PDE11A: variants seen among roughly 807,000 people sequenced by gnomAD.
PDE11A encodes the protein dual 3',5'-cyclic-AMP and -GMP phosphodiesterase 11A.
Under a neutral mutation model 100.5 loss-of-function variants are expected in PDE11A, and 100 were observed. That is an observed-to-expected ratio of 1.00 (90% CI 0.85 to 1.18). The LOEUF (loss-of-function observed/expected upper bound fraction) is 1.18, where lower values mean the gene tolerates loss of function less well. Among genes scored for constraint, PDE11A ranks in the 50% most tolerant of loss-of-function variants. The probability of loss-of-function intolerance (pLI) is 0.00; values close to 1 mark genes in which losing one functional copy is unlikely to be tolerated. For missense variants in PDE11A, 1,141 were observed against 1,152.6 expected, an observed-to-expected ratio of 0.99 and a Z score of 0.15; for synonymous variants, 381 against 420.8, an observed-to-expected ratio of 0.91 and a Z score of 1.16.
chr2:177,773,541 G>C (rs915690535), intron 9 of PDE11A, among the ~76,000 whole-genome samples: 1 of 152,050 alleles, frequency 6.6e-6, no homozygotes, highest in Non-Finnish European at 1.5e-5. Context: ...TTTTTGGATT[G>C]TATCCTGAGA....
At chr2:177,794,513 A>C (rs1187055506) in intron 9 of PDE11A, among the ~76,000 whole-genome samples, 1 of 152,154 alleles carries the variant, frequency 6.6e-6, no homozygotes, top group Non-Finnish European at 1.5e-5. Context: ...AGGCTCATCG[A>C]ATTGGGCCCA....
intron 2 of PDE11A, among the ~76,000 whole-genome samples, chr2:178,094,109 T>C (rs527576068): frequency 1.3e-5 from 2 of 152,290 alleles, no homozygotes; most frequent in South Asian, 4.1e-4. Context: ...CATCAGAAGA[T>C]GGGTAATAAT....
At chr2:177,696,006 A>G (rs2081106697) in intron 15 of PDE11A, among the ~76,000 whole-genome samples, 1 of 152,192 alleles carries the variant, frequency 6.6e-6, no homozygotes, top group Non-Finnish European at 1.5e-5. Flanking sequence ...ATCAGGGCAC[A>G]GGGGGCATTA....
At chr2:177,949,655 A>G (rs1559020542) in intron 2 of PDE11A, among the ~76,000 whole-genome samples, 1 of 152,226 alleles carries the variant, frequency 6.6e-6, no homozygotes, top group African/African-American at 2.4e-5. Context: ...TGCTTGCCAT[A>G]TAGTACTTAA....
chr2:177,649,520 G>A (rs933341993), intron 19 of PDE11A, among the ~76,000 whole-genome samples: 1 of 152,098 alleles, frequency 6.6e-6, no homozygotes, highest in Non-Finnish European at 1.5e-5. Flanking sequence ...GCAAGATATG[G>A]AGCAGGATAT....
rs545569426 is a variant in PDE11A at position 177,858,572 on chromosome 2, C to T, written c.1367+17287G>A. Among the ~76,000 whole-genome samples, 11 of 152,068 alleles carry T rather than the reference C, an allele frequency of 7.2e-5. No individual in the cohort carries two copies. The East Asian group carries it at 9.7e-4, about 13-fold the overall frequency. On this transcript the variant is annotated intron_variant, in intron 5 of 19. Coordinates refer to ENST00000286063, the MANE Select transcript of PDE11A (RefSeq NM_016953.4). Reference sequence around the variant, plus strand: ...TACCATCTCACACCAGTTAGAATGGCAATCATTAAAAAGTCAGGAAACAAC... The same window carrying T: ...TACCATCTCACACCAGTTAGAATGGTAATCATTAAAAAGTCAGGAAACAAC...
At chr2:177,876,956 G>T (rs953713508) in intron 4 of PDE11A, among the ~76,000 whole-genome samples, 1 of 148,006 alleles carries the variant, frequency 6.8e-6, no homozygotes, top group Admixed American at 6.7e-5. Context: ...TAAAGTATGA[G>T]ACTCAAAGGA....
intron 1 of PDE11A, among the ~76,000 whole-genome samples, chr2:178,062,573 CCA>C (rs1299165217): frequency 6.6e-6 from 1 of 152,088 alleles, no homozygotes; most frequent in African/African-American, 2.4e-5. Context: ...ATAATCTTTC[CCA>C]CAGTGTCCCA....
intron 10 of PDE11A, among the ~76,000 whole-genome samples, chr2:177,756,710 GC>G (rs1323614144): frequency 6.6e-6 from 1 of 152,210 alleles, no homozygotes; most frequent in Non-Finnish European, 1.5e-5. Flanking sequence ...TTTGAAATTT[GC>G]CCTTTGGAGA....
intron 19 of PDE11A, among the ~76,000 whole-genome samples, chr2:177,663,111 T>G (rs1306105819): frequency 6.6e-6 from 1 of 152,186 alleles, no homozygotes; most frequent in African/African-American, 2.4e-5. Context: ...TGCTTAGAAG[T>G]AGAATTAAAA....
Position 177,767,020 on chromosome 2 carries a change from A to C in PDE11A, c.1788+2303T>G, listed in dbSNP as rs997684101. On this transcript the variant is annotated intron_variant, in intron 10 of 19. Transcript: ENST00000286063. ...TCTTTAAGCAAAAAATTAAGCCTGAATGTTGGTGCCTTTAGAAAGTAAACA... is the reference window on the plus strand; with the variant it reads ...TCTTTAAGCAAAAAATTAAGCCTGACTGTTGGTGCCTTTAGAAAGTAAACA... Among the ~76,000 whole-genome samples the C allele has an allele frequency of 5.3e-5, 8 of 152,232 alleles. No homozygotes were observed. In the East Asian group the frequency reaches 1.5e-3, roughly 29 times the overall value.
intron 2 of PDE11A, among the ~76,000 whole-genome samples, chr2:177,907,765 G>A (rs1446978113): frequency 6.6e-6 from 1 of 152,188 alleles, no homozygotes; most frequent in East Asian, 1.9e-4. Flanking sequence ...TCTAGACAGA[G>A]GTCAGGCAGG....
chr2:177,884,072 A>G (rs1026599860), intron 4 of PDE11A, among the ~76,000 whole-genome samples: 1 of 152,230 alleles, frequency 6.6e-6, no homozygotes, highest in East Asian at 1.9e-4. Flanking sequence ...TCAGCCCTCA[A>G]GGGCACTGAG....
chr2:177,935,711 G>A (rs547474990), intron 2 of PDE11A, among the ~76,000 whole-genome samples: 5 of 152,178 alleles, frequency 3.3e-5, no homozygotes, highest in Non-Finnish European at 7.3e-5. Flanking sequence ...GGCATGCCAT[G>A]GAAGGAGCTT....
intron 2 of PDE11A, among the ~76,000 whole-genome samples, chr2:178,003,861 A>G (rs1488563048): frequency 3.3e-5 from 5 of 152,054 alleles, no homozygotes; most frequent in Admixed American, 2.6e-4. Flanking sequence ...TAATAGTTCA[A>G]CCTAACAGCT....
intron 19 of PDE11A, among the ~76,000 whole-genome samples, chr2:177,663,403 A>C (rs933947216): frequency 6.6e-6 from 1 of 152,100 alleles, no homozygotes; most frequent in African/African-American, 2.4e-5. Flanking sequence ...GTTTCATGGA[A>C]TCCTCATTCC....
intron 1 of PDE11A, among the ~76,000 whole-genome samples, chr2:178,017,284 A>T (rs536205856): frequency 6.6e-6 from 1 of 152,364 alleles, no homozygotes; most frequent in African/African-American, 2.4e-5. Context: ...TCAATTATGA[A>T]AATTAAAAAC....
At chr2:177,965,001 G>T (rs931593695) in intron 2 of PDE11A, among the ~76,000 whole-genome samples, 1 of 152,286 alleles carries the variant, frequency 6.6e-6, no homozygotes, top group Middle Eastern at 3.4e-3. Context: ...GTGTATAAGT[G>T]TTCCCTTTTC....
upstream of PDE11A, among the ~76,000 whole-genome samples, chr2:178,076,120 C>A (rs573048024): frequency 2.0e-5 from 3 of 152,052 alleles, no homozygotes; most frequent in African/African-American, 7.2e-5. Flanking sequence ...CACTATCACA[C>A]GTGAAAAGGC....
Sources: gnomAD v4.1 joint callset for allele counts (sites outside exome capture counted in the v4.1 genomes callset) on GRCh38, gnomAD v4.1.1 for gene constraint, MANE v1.5 for transcripts, NCBI Gene and HGNC (gene_info 2026-07-23, HGNC 2026-07-21) for gene names.